Variants in SLC6A4 observed in about 807,000 individuals in gnomAD.
SLC6A4 encodes the protein sodium-dependent serotonin transporter.
Under a neutral mutation model 73.4 loss-of-function variants are expected in SLC6A4, and 22 were observed. The ratio of observed to expected loss-of-function variants is 0.30; its 90% CI spans 0.21 to 0.43. The LOEUF (loss-of-function observed/expected upper bound fraction) is 0.43. Among genes scored for constraint, SLC6A4 ranks in the 20% least tolerant of loss-of-function variants. The probability of loss-of-function intolerance (pLI) is 1.00; values close to 1 mark genes in which losing one functional copy is unlikely to be tolerated. For synonymous variants in SLC6A4, 270 were observed against 315.5 expected (o/e 0.86, Z 1.53); for missense variants, 593 against 808.5 (o/e 0.73, Z 3.23).
At chr17:30,230,093 GAA>G (rs1907051224) in intron 1 of SLC6A4, among the ~76,000 whole-genome samples, 12 of 122,896 alleles carry the variant, frequency 9.8e-5, no homozygotes, top group South Asian at 2.3e-4. Context: ...AGAAGAAGAA[GAA>G]GAGGAGGAAG....
rs770512796 is a variant in SLC6A4, at chr17:30,211,454, G to GT, written c.1205-31dup. 9.3e-6 allele frequency: 13 copies of GT among 1,396,888 alleles called. No homozygotes were observed. Among genetic ancestry groups the GT allele is most frequent in the Admixed American group, 1.7e-5 (1 of 59,520 alleles). 86.5% of individuals were successfully genotyped at this position (1,396,888 alleles called of 1,614,324 possible). A position where few individuals can be genotyped will look rare whatever the true frequency, so the allele number is the denominator to read the frequency against. On this transcript the variant is annotated intron_variant, in intron 9 of 14. Transcript: ENST00000650711. The surrounding 1 kb of genome is among the most constrained non-coding windows in gnomAD (Gnocchi z 4.0). ...GACAGAGGGGAGAGAGGAGGAGGTG[G>GT]TTGACAAGACCTGTCCTACAAAGAT... is the stretch of plus-strand genomic sequence containing the variant.
intron 1 of SLC6A4, among the ~76,000 whole-genome samples, chr17:30,227,876 T>C (rs1322161874): frequency 6.6e-6 from 1 of 152,220 alleles, no homozygotes; most frequent in East Asian, 1.9e-4. Flanking sequence ...AGAATTTCTG[T>C]CCAGAACTTT....
chr17:30,210,427 G>A (rs1270974038), intron 11 of SLC6A4, 88 bp downstream of exon 11: 14 of 1,419,482 alleles, frequency 9.9e-6, no homozygotes, highest in Non-Finnish European at 1.2e-5. Flanking sequence ...CCAGGGCACT[G>A]TGTGAGATGG....
chr17:30,230,104 A>AG (rs1567824199), intron 1 of SLC6A4, among the ~76,000 whole-genome samples: 11 of 119,816 alleles, frequency 9.2e-5, no homozygotes, highest in African/African-American at 3.8e-4. Flanking sequence ...AAGAGGAGGA[A>AG]GAGGAAGAGG....
At chr17:30,202,274 G>A (rs1906062393) in intron 14 of SLC6A4, among the ~76,000 whole-genome samples, 1 of 152,146 alleles carries the variant, frequency 6.6e-6, no homozygotes. Flanking sequence ...ACAGGCACGT[G>A]CCACCATGCG....
rs1432671143 is a variant in SLC6A4, at chr17:30,196,941, G to C, written c.*1515C>G. The C allele has an allele frequency of 3.3e-5, 5 of 152,302 alleles. No homozygotes were observed. The highest frequency in any genetic ancestry group is 9.7e-5 in the African/African-American group (4 of 41,432). 9.4% of individuals were successfully genotyped at this position (152,302 alleles called of 1,614,324 possible). On this transcript the variant is annotated 3_prime_UTR_variant, in exon 15 of 15. Coordinates refer to ENST00000650711, the MANE Select transcript of SLC6A4 (RefSeq NM_001045.6). The stretch of plus-strand genomic sequence containing the variant: ...GGGAGGAAAACCTAGAATTGGACAG[G>C]ATGTTTCCTCTGCTGTCTGGACCTT...
At chr17:30,200,761 T>C (rs1213141631) in intron 14 of SLC6A4, among the ~76,000 whole-genome samples, 2 of 152,222 alleles carry the variant, frequency 1.3e-5, no homozygotes, top group Non-Finnish European at 2.9e-5. Context: ...AGTCCTCAGG[T>C]AAACAAACCT....
At chr17:30,223,988 A>G (rs552665758) in intron 1 of SLC6A4, among the ~76,000 whole-genome samples, 20 of 152,324 alleles carry the variant, frequency 1.3e-4, no homozygotes, top group Admixed American at 2.6e-4. Context: ...AGATGTCAAC[A>G]TATTTAAATA....
intron 5 of SLC6A4, 100 bp downstream of exon 5, chr17:30,218,018 G>T: frequency 1.2e-6 from 1 of 852,608 alleles, no homozygotes; most frequent in Non-Finnish European, 1.9e-6. Flanking sequence ...CTCTCAGAAA[G>T]GGGTGAGGAG....
At position 30,230,045 on chromosome 17, in the gene SLC6A4, AAAGAAG is replaced by A. The variant is rs1189804200; in HGVS notation, c.-221+5562_-221+5567del. Among the ~76,000 whole-genome samples the A allele has an allele frequency of 7.3e-3, 816 of 111,076 alleles. 13 individuals are homozygous for A. Among genetic ancestry groups the A allele is most frequent in the East Asian group, 0.023 (81 of 3,596 alleles). 72.9% of individuals were successfully genotyped at this position (111,076 alleles called of 152,430 possible). ...AAAAAAGAAGAAGAAGAAAAAGAAG[AAAGAAG>A]AAGAAGAAGAAGAAGAAGAAGAAGA... On this transcript the variant is annotated intron_variant, in intron 1 of 14. Coordinates refer to ENST00000650711, the MANE Select transcript of SLC6A4 (RefSeq NM_001045.6).
In SLC6A4 at chr17:30,194,346, C is replaced by A. The variant is rs1386942428; in HGVS notation, c.*4110G>T. On this transcript the variant is annotated 3_prime_UTR_variant, in exon 15 of 15. Coordinates refer to ENST00000650711, the MANE Select transcript of SLC6A4 (RefSeq NM_001045.6). ...CACAGCATAAATCATTTATTAATAT[C>A]TCACAATCTAACTTGAAATATTTAT... is the stretch of plus-strand genomic sequence containing the variant. The A allele has an allele frequency of 6.6e-6, 1 of 151,734 alleles. No individual in the cohort carries two copies. The highest frequency in any genetic ancestry group is 6.6e-5 in the Admixed American group (1 of 15,236). The allele number at this position is 151,734 out of a possible 1,614,324, so 9.4% of individuals were successfully genotyped here.
intron 1 of SLC6A4, among the ~76,000 whole-genome samples, chr17:30,231,035 C>A (rs1907095125): frequency 6.6e-6 from 1 of 152,126 alleles, no homozygotes; most frequent in Non-Finnish European, 1.5e-5. Flanking sequence ...AGTTTACAGT[C>A]TCACAGAGTA....
In SLC6A4 at chr17:30,222,019, T is replaced by G; in HGVS notation, c.-61A>C. The G allele has an allele frequency of 1.2e-6, 2 of 1,611,028 alleles. No individual in the cohort carries two copies. Among genetic ancestry groups the G allele is most frequent in the Non-Finnish European group, 1.7e-6 (2 of 1,178,906 alleles). ...CCAAGGATCCCAATTGATCTCTGGG[T>G]GCTTGGATTTGTGGATCACCTCCGA... On this transcript the variant is annotated 5_prime_UTR_variant, in exon 3 of 15. Coordinates refer to ENST00000650711, the MANE Select transcript of SLC6A4 (RefSeq NM_001045.6).
rs56234649 is a variant in SLC6A4 at position 30,205,021 on chromosome 17, A to G, written c.1651-1682T>C. 0.013 allele frequency among the ~76,000 whole-genome samples: 2,034 copies of G among 152,322 alleles called. 161 individuals carry two copies. The East Asian group carries it at 0.23, about 17-fold the overall frequency. On this transcript the variant is annotated intron_variant, in intron 13 of 14. Coordinates refer to ENST00000650711, the MANE Select transcript of SLC6A4 (RefSeq NM_001045.6). ...ACATTTCAGCAGGAGCCAAAATCAAAATAAATAATATTTTATTACAATTTT... is the reference window on the plus strand; with the variant it reads ...ACATTTCAGCAGGAGCCAAAATCAAGATAAATAATATTTTATTACAATTTT...
intron 4 of SLC6A4, 31 bp from the exon 5 acceptor site, chr17:30,218,368 G>A: frequency 1.3e-6 from 2 of 1,576,366 alleles, no homozygotes; most frequent in Non-Finnish European, 1.7e-6. Flanking sequence ...AGAGACAGAG[G>A]CCGAGTTTAA....
intron 1 of SLC6A4, among the ~76,000 whole-genome samples, chr17:30,231,332 C>CTATAGG (rs1907107849): frequency 6.7e-6 from 1 of 150,358 alleles, no homozygotes; most frequent in South Asian, 2.1e-4. Flanking sequence ...TATATACACA[C>CTATAGG]TATATATATC....
chr17:30,217,928 C>T (rs910248667), intron 5 of SLC6A4, among the ~76,000 whole-genome samples, 190 bp downstream of exon 5: 1 of 152,190 alleles, frequency 6.6e-6, no homozygotes, highest in African/African-American at 2.4e-5. Context: ...CAAGGAGGCA[C>T]AGCAGGGCCA....
rs1275408988 is a variant in SLC6A4, at chr17:30,211,185, G to C, written c.1317+127C>G. The C allele has an allele frequency of 1.6e-6, 1 of 638,968 alleles. No homozygotes were observed. The highest frequency in any genetic ancestry group is 2.8e-6 in the Non-Finnish European group (1 of 356,962). The allele number at this position is 638,968 out of a possible 1,614,324, so 39.6% of individuals were successfully genotyped here. ...TGCCGAGGAGTCAGCCGGGGGTCTG[G>C]AGCACCAGAAGGGAGTAGCCAAAGC... On this transcript the variant is annotated intron_variant, in intron 10 of 14. Transcript: ENST00000650711. This position sits in a 1 kb window ranked among gnomAD's most constrained non-coding sequence, Gnocchi z 4.0.
At chr17:30,217,428 A>C in intron 5 of SLC6A4, 124 bp from the exon 6 acceptor site, 1 of 927,526 alleles carries the variant, frequency 1.1e-6, no homozygotes. Flanking sequence ...CCAAGTGGTC[A>C]CTGAGGCCCA....
Sources: allele counts gnomAD v4.1 joint callset (sites outside exome capture counted in the v4.1 genomes callset), GRCh38; gene constraint gnomAD v4.1.1; non-coding constraint Gnocchi (gnomAD v3.1); transcripts MANE v1.5; gene names NCBI Gene and HGNC (gene_info 2026-07-23, HGNC 2026-07-21).